The following NHLRC3 variants were observed in gnomAD, a reference collection of about 807,000 sequenced individuals.
NHLRC3 encodes the protein NHL repeat-containing protein 3.
NHLRC3 carries 23 observed loss-of-function variants against 32.0 expected under a neutral mutation model. The ratio of observed to expected loss-of-function variants is 0.72; its 90% confidence interval spans 0.52 to 1.02. The LOEUF (loss-of-function observed/expected upper bound fraction) is 1.02, where lower values mean the gene tolerates loss of function less well. Among genes scored for constraint, NHLRC3 ranks in the 50% least tolerant of loss-of-function variants. NHLRC3 has a pLI of 0.00. For synonymous variants in NHLRC3, 159 were observed against 147.9 expected (o/e 1.08, Z -0.55); for missense variants, 407 against 406.8 (o/e 1.00, Z -0.01).
rs11840202 is a variant in NHLRC3, at chr13:39,043,022, C to T, written c.586+717C>T. The stretch of plus-strand genomic sequence containing the variant: ...GAGGATTATTAAAGCCATGTTTTTG[C>T]CTATAACATTTTTGAGGTTTTCCTA... On this transcript the variant is annotated intron_variant, in intron 4 of 6. Transcript: ENST00000379600. Among the ~76,000 whole-genome samples the T allele has an allele frequency of 5.9e-3, 893 of 152,220 alleles. 3 individuals carry two copies. Among genetic ancestry groups the T allele is most frequent in the Non-Finnish European group, 9.6e-3 (653 of 68,008 alleles).
At chr13:39,045,238 A>G (rs1156386966) in intron 5 of NHLRC3, among the ~76,000 whole-genome samples, 1 of 152,220 alleles carries the variant, frequency 6.6e-6, no homozygotes, top group South Asian at 2.1e-4. Context: ...AACTTTGTAT[A>G]TAAATTGGGA....
Position 39,039,444 on chromosome 13 carries a change from A to G in NHLRC3, c.238-120A>G, listed in dbSNP as rs139096716. On this transcript the variant is annotated intron_variant, in intron 2 of 6. Transcript: ENST00000379600. ...TATTTTGGTTTCGAATGTGAAAGAT[A>G]TGTTAGATTTTGAAAGTGGTTTTTG... 3.0e-5 allele frequency: 33 copies of G among 1,116,958 alleles called. 1 individual carries two copies. In the East Asian group the frequency reaches 7.8e-4, roughly 26 times the overall value. The allele number at this position is 1,116,958 out of a possible 1,614,324, so 69.2% of individuals were successfully genotyped here.
Position 39,038,720 on chromosome 13 carries a change from T to C in NHLRC3, c.81T>C (p.Ser27=), listed in dbSNP as rs777136694. Residue 27 remains serine, a synonymous_variant, in exon 1 of 7, where the codon TCT becomes TCC. Coordinates refer to ENST00000379600, the MANE Select transcript of NHLRC3 (RefSeq NM_001012754.4). ...FLVLHSRFCG[S]PVLRNFTFAV... ...TTTTGCATTCGCGTTTTTGTGGCTCTCCAGTGAGTTGGGTAGTGAGGAAAT... is the reference window on the plus strand; with the variant it reads ...TTTTGCATTCGCGTTTTTGTGGCTCCCCAGTGAGTTGGGTAGTGAGGAAAT... 1.1e-5 allele frequency: 18 copies of C among 1,612,666 alleles called. No individual in the cohort carries two copies. In the South Asian group the frequency reaches 2.0e-4, roughly 18 times the overall value.
Position 39,047,954 on chromosome 13 carries a change from G to T in NHLRC3, c.*28G>T. The T allele has an allele frequency of 6.4e-7, 1 of 1,556,674 alleles. No individual in the cohort carries two copies. Among genetic ancestry groups the T allele is most frequent in the South Asian group, 1.2e-5 (1 of 85,106 alleles). Reference sequence around the variant, plus strand: ...TTTCTTTCCTGGGAATATTTCAAGTGGCAGTTCAGATTCTCAATTCACTAA... The same window carrying T: ...TTTCTTTCCTGGGAATATTTCAAGTTGCAGTTCAGATTCTCAATTCACTAA... On this transcript the variant is annotated 3_prime_UTR_variant, in exon 7 of 7. Coordinates refer to ENST00000379600, the MANE Select transcript of NHLRC3 (RefSeq NM_001012754.4).
intron 1 of NHLRC3, 58 bp from the exon 2 acceptor site, chr13:39,039,078 C>CG: frequency 2.8e-5 from 29 of 1,038,038 alleles, no homozygotes; most frequent in Non-Finnish European, 4.0e-5. Context: ...CCCCCCCGCC[C>CG]TTTTTTTGTT....
At chr13:39,047,653 G>T in intron 6 of NHLRC3, 21 bp from the exon 7 acceptor site, 4 of 1,593,994 alleles carry the variant, frequency 2.5e-6, no homozygotes, top group Non-Finnish European at 3.4e-6. Context: ...CATTTATTAT[G>T]TTAAATGTCT....
intron 2 of NHLRC3, 82 bp downstream of exon 2, chr13:39,039,370 G>A (rs1360950999): frequency 5.0e-6 from 6 of 1,207,698 alleles, no homozygotes; most frequent in African/African-American, 1.5e-5. Flanking sequence ...CTGACCATAT[G>A]CGTTTATATC....
At position 39,047,133 on chromosome 13, in the gene NHLRC3, G is replaced by A; in HGVS notation, c.772G>A (p.Glu258Lys). The change falls in exon 6 of 7, where the codon GAG (glutamate) becomes AAG (lysine). Residue 258 changes from glutamate to lysine, a missense_variant. Transcript: ENST00000379600. ...LGAWNNCFTEEGPSSVRFTPD... is the reference protein window; with the variant it reads ...LGAWNNCFTEKGPSSVRFTPD... ...AGCATGGAATAATTGTTTCACAGAA[G>A]AGGGACCTTCTTCAGTCAGGTAATT... 1.9e-6 allele frequency: 3 copies of A among 1,600,614 alleles called. 1 individual carries two copies. Among genetic ancestry groups the A allele is most frequent in the Non-Finnish European group, 2.6e-6 (3 of 1,169,214 alleles).
At position 39,039,578 on chromosome 13, in the gene NHLRC3, C is replaced by A; in HGVS notation, c.252C>A (p.Ile84=). ...LVYIGQRGDN[I]PKILVFTEDG... ...TATACCTTCAGAGAGGGGATAACATCCCAAAGATATTAGTGTTCACAGAGG... is the reference window on the plus strand; with the variant it reads ...TATACCTTCAGAGAGGGGATAACATACCAAAGATATTAGTGTTCACAGAGG... Residue 84 remains isoleucine, a synonymous_variant, in exon 3 of 7, where the codon ATC becomes ATA. Coordinates refer to ENST00000379600, the MANE Select transcript of NHLRC3 (RefSeq NM_001012754.4). 6.2e-7 allele frequency: 1 copy of A among 1,611,644 alleles called. No individual in the cohort carries two copies. Among genetic ancestry groups the A allele is most frequent in the Non-Finnish European group, 8.5e-7 (1 of 1,177,928 alleles).
In NHLRC3 at chr13:39,044,309, G is replaced by A; in HGVS notation, c.678+128G>A. 4.2e-6 allele frequency: 3 copies of A among 717,416 alleles called. No homozygotes were observed. The South Asian group carries it at 4.9e-5, about 12-fold the overall frequency. 44.4% of individuals were successfully genotyped at this position (717,416 alleles called of 1,614,324 possible). A position where few individuals can be genotyped will look rare whatever the true frequency, so the allele number is the denominator to read the frequency against. ...TAGATTGTGGTATACATGTGTGTCTGGGCATGTGGATACATGTGTGTTAGT... is the reference window on the plus strand; with the variant it reads ...TAGATTGTGGTATACATGTGTGTCTAGGCATGTGGATACATGTGTGTTAGT... On this transcript the variant is annotated intron_variant, in intron 5 of 6. Transcript: ENST00000379600.
At chr13:39,043,999 T>G in intron 4 of NHLRC3, 91 bp from the exon 5 acceptor site, 12 of 898,794 alleles carry the variant, frequency 1.3e-5, no homozygotes, top group Non-Finnish European at 2.2e-5. Flanking sequence ...GCGGTGTAAT[T>G]AAATAGTTCT....
intron 4 of NHLRC3, 122 bp downstream of exon 4, chr13:39,042,427 A>G (rs568496993): frequency 3.7e-4 from 220 of 600,834 alleles, no homozygotes; most frequent in Non-Finnish European, 5.5e-4. Context: ...GTGTATTACT[A>G]CGAGAAAACT....
chr13:39,041,480 T>A (rs1184958829), intron 3 of NHLRC3: 1 of 152,342 alleles, frequency 6.6e-6, no homozygotes, highest in Non-Finnish European at 1.5e-5. Context: ...TTATTAGTAG[T>A]CTGCTTTATG....
At chr13:39,040,137 G>A (rs1353269191) in intron 3 of NHLRC3, 4 of 150,332 alleles carry the variant, frequency 2.7e-5, no homozygotes, top group African/African-American at 9.8e-5. Context: ...GCAGTGAGCC[G>A]AGATCGCGCC....
intron 1 of NHLRC3, 58 bp from the exon 2 acceptor site, chr13:39,039,078 C>CGGTT: frequency 3.9e-6 from 4 of 1,038,052 alleles, no homozygotes; most frequent in Non-Finnish European, 5.8e-6. Flanking sequence ...CCCCCCCGCC[C>CGGTT]TTTTTTTGTT....
intron 3 of NHLRC3, chr13:39,041,790 G>T: frequency 3.9e-6 from 1 of 254,140 alleles, no homozygotes; most frequent in Non-Finnish European, 7.6e-6. Context: ...AAGGTCATAA[G>T]ATTAAAAAAG....
intron 3 of NHLRC3, chr13:39,041,336 A>C (rs944125904): frequency 1.3e-5 from 2 of 152,176 alleles, no homozygotes; most frequent in Non-Finnish European, 2.9e-5. Flanking sequence ...TATTTAACAT[A>C]GAATTGTAAT....
In NHLRC3 at chr13:39,048,961, GT is replaced by G. The variant is rs1356349717; in HGVS notation, c.*1037del. 1.3e-5 allele frequency: 2 copies of G among 151,886 alleles called. No individual in the cohort carries two copies. The highest frequency in any genetic ancestry group is 2.9e-5 in the Non-Finnish European group (2 of 67,946). 9.4% of individuals were successfully genotyped at this position (151,886 alleles called of 1,614,324 possible). On this transcript the variant is annotated 3_prime_UTR_variant, in exon 7 of 7. Transcript: ENST00000379600. The stretch of plus-strand genomic sequence containing the variant: ...GGATATGTGCCAAATCCTTTGAGCT[GT>G]TAAGATGATAATTTCCTGCTTTCCT...
rs1256311890 is a variant in NHLRC3 at position 39,038,719 on chromosome 13, C to A, written c.80C>A (p.Ser27Tyr). ...FLVLHSRFCGSPVLRNFTFAV... is the reference protein window; with the variant it reads ...FLVLHSRFCGYPVLRNFTFAV... The stretch of plus-strand genomic sequence containing the variant: ...GTTTTGCATTCGCGTTTTTGTGGCT[C>A]TCCAGTGAGTTGGGTAGTGAGGAAA... The change falls in exon 1 of 7, where the codon TCT (serine) becomes TAT (tyrosine). Residue 27 changes from serine (S) to tyrosine (Y), a missense_variant. By Grantham distance (144) the Ser-to-Tyr change is moderately radical (BLOSUM62 -2). Transcript: ENST00000379600. 1 of 1,613,076 alleles carries A rather than the reference C, an allele frequency of 6.2e-7. No individual in the cohort carries two copies.
Sources: allele counts gnomAD v4.1 joint callset (sites outside exome capture counted in the v4.1 genomes callset), GRCh38; gene constraint gnomAD v4.1.1; transcripts MANE v1.5; gene names NCBI Gene and HGNC (gene_info 2026-07-23, HGNC 2026-07-21).